Variants in ZFR2 observed in about 807,000 individuals in gnomAD.
ZFR2 encodes zinc finger RNA-binding protein 2.
In ZFR2, 104 loss-of-function variants were observed where a neutral mutation model predicts 105.7. The ratio of observed to expected loss-of-function variants is 0.98; its 90% CI spans 0.84 to 1.16. ZFR2 has a LOEUF of 1.16. ZFR2 is among the 50% of genes most tolerant of loss of function. The pLI, the probability that ZFR2 is intolerant of heterozygous loss-of-function variation, is 0.00. For missense variants in ZFR2, 1,425 were observed against 1,355.5 expected (o/e 1.05, Z -0.80); for synonymous variants, 634 against 597.7 (o/e 1.06, Z -0.89).
At chr19:3,831,105 A>G (rs2038009205) in intron 5 of ZFR2, among the ~76,000 whole-genome samples, 198 bp downstream of exon 5, 1 of 151,914 alleles carries the variant, frequency 6.6e-6, no homozygotes. Flanking sequence ...GCATAAACAC[A>G]CGCACACATA....
In ZFR2 at chr19:3,843,526, C is replaced by T. The variant is rs376990820; in HGVS notation, c.54-8543G>A. ...TCCATCCACACAGTGAAATATGATT[C>T]GGCCTTAAAAAGAAAACAAGTCCTG... On this transcript the variant is annotated intron_variant, in intron 1 of 18. Coordinates refer to ENST00000262961, the MANE Select transcript of ZFR2 (RefSeq NM_015174.2). 1.5e-4 allele frequency among the ~76,000 whole-genome samples: 23 copies of T among 149,994 alleles called. No individual in the cohort carries two copies. In the East Asian group the frequency reaches 3.4e-3, roughly 22 times the overall value.
intron 5 of ZFR2, among the ~76,000 whole-genome samples, chr19:3,829,307 T>C (rs1053979527): frequency 1.4e-5 from 2 of 145,536 alleles, no homozygotes; most frequent in African/African-American, 2.8e-5. Flanking sequence ...ACCTAAGCAA[T>C]AGAATAAATA....
At position 3,849,879 on chromosome 19, in the gene ZFR2, C is replaced by T. The variant is rs537350110; in HGVS notation, c.54-14896G>A. 1.3e-4 allele frequency among the ~76,000 whole-genome samples: 20 copies of T among 152,330 alleles called. No homozygotes were observed. In the East Asian group the frequency reaches 1.9e-3, roughly 15 times the overall value. On this transcript the variant is annotated intron_variant, in intron 1 of 18. Transcript: ENST00000262961. ...ACCAACATGCAGATGGCTGGACGTC[C>T]GCTGGCTGAGGGCAGGTCTCAGCAT...
chr19:3,833,719 G>A lies in ZFR2; in HGVS notation c.324C>T (p.Phe108=). The part of the protein sequence containing the change: ...AARSYEDRPY[F]QSAALQSGRM... The stretch of plus-strand genomic sequence containing the variant: ...GCCCAGACTGGAGGGCAGCAGACTG[G>A]AAGTACGGCCTGTCCTCATAGCTCC... Residue 108 remains phenylalanine, a synonymous_variant, in exon 3 of 19, where the codon TTC becomes TTT. Coordinates refer to ENST00000262961, the MANE Select transcript of ZFR2 (RefSeq NM_015174.2). 6.3e-7 allele frequency: 1 copy of A among 1,581,868 alleles called. No individual in the cohort carries two copies. The highest frequency in any genetic ancestry group is 1.8e-5 in the Admixed American group (1 of 55,590).
intron 17 of ZFR2, among the ~76,000 whole-genome samples, chr19:3,808,300 C>T (rs533117084): frequency 6.6e-6 from 1 of 152,284 alleles, no homozygotes; most frequent in Non-Finnish European, 1.5e-5. Flanking sequence ...ACATGATGGC[C>T]CAGGCAATGG....
chr19:3,828,428 A>G (rs1203454650), intron 5 of ZFR2, among the ~76,000 whole-genome samples: 3 of 152,180 alleles, frequency 2.0e-5, no homozygotes, highest in Non-Finnish European at 4.4e-5. Context: ...TGCTCCATGC[A>G]TCACACATTC....
At chr19:3,822,559 T>A (rs994546889) in intron 8 of ZFR2, among the ~76,000 whole-genome samples, 2 of 151,586 alleles carry the variant, frequency 1.3e-5, no homozygotes, top group African/African-American at 4.9e-5. Context: ...AAATAAAAAA[T>A]ACAAAAATTA....
chr19:3,864,583 C>T lies in ZFR2; in HGVS notation c.53+4382G>A, dbSNP rs369737231. ...CAGAGGCCTCTGGCCTGTCGCTTCC[C>T]ACTACTCTGCACTTCCAACACACCA... On this transcript the variant is annotated intron_variant, in intron 1 of 18. Coordinates refer to ENST00000262961, the MANE Select transcript of ZFR2 (RefSeq NM_015174.2). Among the ~76,000 whole-genome samples the T allele has an allele frequency of 4.6e-5, 7 of 152,326 alleles. No individual in the cohort carries two copies. In the South Asian group the frequency reaches 1.5e-3, roughly 32 times the overall value.
chr19:3,825,313 G>A lies in ZFR2; in HGVS notation c.1130C>T (p.Thr377Met), dbSNP rs758722834. 123 of 1,581,544 alleles carry A rather than the reference G, an allele frequency of 7.8e-5. 1 individual carries two copies. In the Admixed American group the frequency reaches 1.4e-3, roughly 18 times the overall value. Residue 377 changes from threonine (T) to methionine (M), a missense_variant, in exon 7 of 19, where the codon ACG becomes ATG. Transcript: ENST00000262961. ...ACACACGCTGGGGCCAGTGGGGGAC[G>A]TGGGCTTGGCCTCTGCCCCGGGGGG... ...ESPPGAEAKP[T>M]SPTGPSVCAS...
At chr19:3,811,529 A>C (rs1182882112) in intron 14 of ZFR2, among the ~76,000 whole-genome samples, 163 bp from the exon 15 acceptor site, 2 of 151,218 alleles carry the variant, frequency 1.3e-5, no homozygotes, top group African/African-American at 4.9e-5. Flanking sequence ...ATCTTGGCTC[A>C]CTGCAACCTC....
At chr19:3,841,444 G>A (rs1402930950) in intron 1 of ZFR2, among the ~76,000 whole-genome samples, 1 of 152,194 alleles carries the variant, frequency 6.6e-6, no homozygotes, top group Non-Finnish European at 1.5e-5. Context: ...CAGCGCCTTG[G>A]GAGGCTAAGG....
chr19:3,852,128 G>A (rs544355642), intron 1 of ZFR2: 65 of 358,960 alleles, frequency 1.8e-4, no homozygotes, highest in African/African-American at 1.1e-3. Context: ...TGGCCAAGGC[G>A]GGGCTCAGCT....
intron 3 of ZFR2, 40 bp from the exon 4 acceptor site, chr19:3,831,918 A>C (rs1599237089): frequency 1.4e-6 from 2 of 1,466,344 alleles, no homozygotes; most frequent in Admixed American, 2.4e-5. Flanking sequence ...GCCAACCCCC[A>C]CCCCACTGTC....
At chr19:3,866,727 G>A (rs1047915903) in intron 1 of ZFR2, among the ~76,000 whole-genome samples, 1 of 152,176 alleles carries the variant, frequency 6.6e-6, no homozygotes, top group African/African-American at 2.4e-5. Flanking sequence ...GAGGGGTGGA[G>A]TGTGTCCAGA....
At chr19:3,808,036 C>G (rs547537740) in intron 17 of ZFR2, among the ~76,000 whole-genome samples, 30 of 132,120 alleles carry the variant, frequency 2.3e-4, no homozygotes, top group African/African-American at 8.7e-4. Flanking sequence ...CACTCATGTC[C>G]TTGTGTGCCC....
At position 3,805,709 on chromosome 19, in the gene ZFR2, T is replaced by C. The variant is rs2037688116; in HGVS notation, c.*240A>G. On this transcript the variant is annotated 3_prime_UTR_variant, in exon 19 of 19. Coordinates refer to ENST00000262961, the MANE Select transcript of ZFR2 (RefSeq NM_015174.2). ...TTGGAGAGATGGGGGTCTCACTCTG[T>C]TGTCTGGGCTGGCCTTGAACTCTCA... 1 of 443,666 alleles carries C rather than the reference T, an allele frequency of 2.3e-6. No individual in the cohort carries two copies. The highest frequency in any genetic ancestry group is 3.6e-5 in the East Asian group (1 of 27,412). The allele number at this position is 443,666 out of a possible 1,614,324, so 27.5% of individuals were successfully genotyped here.
intron 17 of ZFR2, among the ~76,000 whole-genome samples, chr19:3,807,921 A>ATGTGTGCATGCATGTCTG (rs1491523795): frequency 4.9e-4 from 62 of 125,496 alleles, no homozygotes; most frequent in Admixed American, 4.6e-3. Flanking sequence ...GTATATGCCC[A>ATGTGTGCATGCATGTCTG]TGTGTGCATG....
Position 3,804,841 on chromosome 19 carries a change from C to T in ZFR2, c.*1108G>A, listed in dbSNP as rs1393605552. On this transcript the variant is annotated 3_prime_UTR_variant, in exon 19 of 19. Transcript: ENST00000262961. Reference sequence around the variant, plus strand: ...TGCCCACGTGATTTCAAATCCATGCCGCAGCCGCATCCAAAGAAAGTTTTG... The same window carrying T: ...TGCCCACGTGATTTCAAATCCATGCTGCAGCCGCATCCAAAGAAAGTTTTG... 1.3e-5 allele frequency: 2 copies of T among 153,228 alleles called. No individual in the cohort carries two copies. Among genetic ancestry groups the T allele is most frequent in the Non-Finnish European group, 2.9e-5 (2 of 68,674 alleles). 9.5% of individuals were successfully genotyped at this position (153,228 alleles called of 1,614,324 possible).
chr19:3,833,564 A>T, intron 3 of ZFR2, 100 bp downstream of exon 3: 1 of 939,096 alleles, frequency 1.1e-6, no homozygotes. Context: ...CAACAGAGCG[A>T]GACTCTGTCT....
Sources: gnomAD v4.1 joint callset for allele counts (sites outside exome capture counted in the v4.1 genomes callset) on GRCh38, gnomAD v4.1.1 for gene constraint, MANE v1.5 for transcripts, NCBI Gene and HGNC (gene_info 2026-07-23, HGNC 2026-07-21) for gene names.